Variants in CHSY1 observed in about 807,000 individuals in gnomAD.
CHSY1 encodes the protein chondroitin sulfate synthase 1.
CHSY1 carries 13 observed loss-of-function variants against 59.8 expected under a neutral mutation model. The observed-to-expected ratio is 0.22, with a 90% CI of 0.14 to 0.35. The LOEUF (loss-of-function observed/expected upper bound fraction) is 0.35, where lower values mean the gene tolerates loss of function less well. Among genes scored for constraint, CHSY1 ranks in the 10% least tolerant of loss-of-function variants. The pLI is 1.00. For missense variants in CHSY1, 947 were observed against 1,030.6 expected (o/e 0.92, Z 1.11); for synonymous variants, 459 against 401.2 (o/e 1.14, Z -1.72).
chr15:101,177,698 T>C lies in CHSY1; in HGVS notation c.2099A>G (p.Lys700Arg), dbSNP rs1386645896. The change falls in exon 3 of 3, where the codon AAG becomes AGG. Residue 700 changes from lysine (K) to arginine (R), a missense_variant. Transcript: ENST00000254190. ...NYGFGITCIY[K>R]GDLVRVGGFD... ...GCCACCCACTCGGACAAGATCTCCCTTATAAATACACGTGATGCCAAACCC... is the reference window on the plus strand; with the variant it reads ...GCCACCCACTCGGACAAGATCTCCCCTATAAATACACGTGATGCCAAACCC... The C allele has an allele frequency of 1.2e-6, 2 of 1,614,224 alleles. No individual in the cohort carries two copies. Among genetic ancestry groups the C allele is most frequent in the Non-Finnish European group, 1.7e-6 (2 of 1,180,036 alleles).
intron 1 of CHSY1, among the ~76,000 whole-genome samples, chr15:101,243,078 G>C (rs897330987): frequency 1.3e-5 from 2 of 152,120 alleles, no homozygotes; most frequent in Admixed American, 6.5e-5. Flanking sequence ...TGGCAGGGGG[G>C]ATTACAGCCT....
intron 1 of CHSY1, among the ~76,000 whole-genome samples, chr15:101,241,121 A>T (rs2038997243): frequency 6.6e-6 from 1 of 152,282 alleles, no homozygotes; most frequent in South Asian, 2.1e-4. Flanking sequence ...TCTGAGACGG[A>T]GTCTGGCCCT....
intron 2 of CHSY1, among the ~76,000 whole-genome samples, chr15:101,195,939 TATA>T (rs1260555022): frequency 6.6e-6 from 1 of 151,682 alleles, no homozygotes; most frequent in Non-Finnish European, 1.5e-5. Context: ...ATATAAATTA[TATA>T]TAAATATTAA....
intron 2 of CHSY1, among the ~76,000 whole-genome samples, chr15:101,200,536 G>T (rs1213319995): frequency 1.3e-5 from 2 of 152,120 alleles, no homozygotes; most frequent in African/African-American, 4.8e-5. Flanking sequence ...AATTGTTCAA[G>T]AACTGTTCTT....
chr15:101,203,330 A>AGAG (rs1401014591), intron 2 of CHSY1, among the ~76,000 whole-genome samples: 1 of 152,236 alleles, frequency 6.6e-6, no homozygotes. Flanking sequence ...GCAGGAGGAT[A>AGAG]GAGGAAAAGA....
chr15:101,214,908 T>G (rs179276), intron 2 of CHSY1, among the ~76,000 whole-genome samples: 88 of 152,178 alleles, frequency 5.8e-4, no homozygotes, highest in Non-Finnish European at 1.2e-3. Context: ...GAGGTGGATT[T>G]CTCATGCATA....
At chr15:101,205,810 G>A (rs924271457) in intron 2 of CHSY1, among the ~76,000 whole-genome samples, 1 of 152,116 alleles carries the variant, frequency 6.6e-6, no homozygotes, top group African/African-American at 2.4e-5. Flanking sequence ...AATTAGCTGG[G>A]CGTGGTGGTG....
intron 2 of CHSY1, among the ~76,000 whole-genome samples, chr15:101,183,546 A>T (rs1389506049): frequency 3.9e-5 from 6 of 152,230 alleles, no homozygotes; most frequent in African/African-American, 1.4e-4. Flanking sequence ...ACTCAATTTT[A>T]CCTTGCACTC....
rs2038594484 is a variant in CHSY1 at position 101,203,623 on chromosome 15, C to CA, written c.817-24644dup. ...TAAGGTATTTATTAAATAACAAAGG[C>CA]AAAAGTAGTGATTTTTACAGAGGAG... is the stretch of plus-strand genomic sequence containing the variant. On this transcript the variant is annotated intron_variant, in intron 2 of 2. Transcript: ENST00000254190. Among the ~76,000 whole-genome samples, 6 of 152,178 alleles carry CA rather than the reference C, an allele frequency of 3.9e-5. 1 individual carries two copies. The South Asian group carries it at 1.2e-3, about 32-fold the overall frequency.
At chr15:101,248,924 C>CT (rs1408867298) in intron 1 of CHSY1, among the ~76,000 whole-genome samples, 1 of 150,514 alleles carries the variant, frequency 6.6e-6, no homozygotes, top group Non-Finnish European at 1.5e-5. Flanking sequence ...GTAGCTGGGA[C>CT]TACAGGCACC....
At chr15:101,233,779 A>C (rs1446833205) in intron 2 of CHSY1, among the ~76,000 whole-genome samples, 5 of 152,222 alleles carry the variant, frequency 3.3e-5, no homozygotes, top group Non-Finnish European at 5.9e-5. Flanking sequence ...CCACTTCCCT[A>C]AAGTTCAAAC....
intron 2 of CHSY1, among the ~76,000 whole-genome samples, chr15:101,222,639 T>C (rs2038801423): frequency 6.6e-6 from 1 of 152,232 alleles, no homozygotes; most frequent in South Asian, 2.1e-4. Context: ...TTGCTTTTCC[T>C]GACCTGACAC....
intron 2 of CHSY1, among the ~76,000 whole-genome samples, chr15:101,184,688 T>C (rs2038330447): frequency 6.6e-6 from 1 of 152,024 alleles, no homozygotes; most frequent in African/African-American, 2.4e-5. Context: ...TGTTGTAAGA[T>C]AAAAAGGTGT....
chr15:101,241,657 G>A (rs1038930329), intron 1 of CHSY1, among the ~76,000 whole-genome samples: 2 of 152,184 alleles, frequency 1.3e-5, no homozygotes, highest in Non-Finnish European at 1.5e-5. Context: ...TTAAAAAGGT[G>A]GGGAGATTTT....
intron 2 of CHSY1, among the ~76,000 whole-genome samples, chr15:101,231,762 G>GAGGGA (rs2038895133): frequency 1.3e-5 from 2 of 152,190 alleles, no homozygotes; most frequent in East Asian, 3.8e-4. Flanking sequence ...GGTTACTTAA[G>GAGGGA]TCAATTTTCT....
At chr15:101,185,551 C>T (rs2038348768) in intron 2 of CHSY1, among the ~76,000 whole-genome samples, 2 of 151,986 alleles carry the variant, frequency 1.3e-5, no homozygotes. Flanking sequence ...GGAGCACCCT[C>T]CATCCCCCTT....
intron 2 of CHSY1, among the ~76,000 whole-genome samples, chr15:101,233,722 T>C (rs1411709199): frequency 6.6e-6 from 1 of 152,190 alleles, no homozygotes; most frequent in African/African-American, 2.4e-5. Flanking sequence ...TCTTTGTGAC[T>C]TTGTAATTAA....
chr15:101,189,873 G>A (rs1418420959), intron 2 of CHSY1, among the ~76,000 whole-genome samples: 5 of 152,238 alleles, frequency 3.3e-5, no homozygotes, highest in East Asian at 3.8e-4. Flanking sequence ...GCACAGTGGC[G>A]CTGTGGGCGG....
In CHSY1 at chr15:101,177,550, G is replaced by C. The variant is rs765235989; in HGVS notation, c.2247C>G (p.Val749=). The change falls in exon 3 of 3, where the codon GTC becomes GTG. Residue 749 remains valine (V), a synonymous_variant. Transcript: ENST00000254190. ...TGGGGTCAAGATTGGGATCACAAAA[G>C]ACAGGATGGTGGACGTGGACTACTC... ...EVGVVHVHHP[V]FCDPNLDPKQ... 1 of 1,614,034 alleles carries C rather than the reference G, an allele frequency of 6.2e-7. No homozygotes were observed. The highest frequency in any genetic ancestry group is 2.2e-5 in the East Asian group (1 of 44,876).
Sources: allele counts gnomAD v4.1 joint callset (sites outside exome capture counted in the v4.1 genomes callset), GRCh38; gene constraint gnomAD v4.1.1; transcripts MANE v1.5; gene names NCBI Gene and HGNC (gene_info 2026-07-23, HGNC 2026-07-21).